Variants in ENPP1 observed in about 807,000 individuals in gnomAD.
ENPP1 encodes the protein ectonucleotide pyrophosphatase/phosphodiesterase 1.
In ENPP1, 73 loss-of-function variants were observed where a neutral mutation model predicts 122.8. That is an observed-to-expected ratio of 0.59 (90% CI 0.49 to 0.72). The LOEUF (loss-of-function observed/expected upper bound fraction) is 0.72. Among genes scored for constraint, ENPP1 ranks in the 30% least tolerant of loss-of-function variants. ENPP1 has a pLI of 0.00. For missense variants in ENPP1, 978 were observed against 1,128.1 expected (o/e 0.87, Z 1.91); for synonymous variants, 367 against 391.6 (o/e 0.94, Z 0.74).
At chr6:131,842,343 GTA>G (rs371696633) in intron 1 of ENPP1, among the ~76,000 whole-genome samples, 15 of 152,266 alleles carry the variant, frequency 9.9e-5, no homozygotes, top group African/African-American at 3.6e-4. Context: ...GCACCATGGC[GTA>G]TATATGGTCA....
At chr6:131,847,272 A>C (rs1225180004) in intron 1 of ENPP1, among the ~76,000 whole-genome samples, 1 of 152,214 alleles carries the variant, frequency 6.6e-6, no homozygotes, top group Non-Finnish European at 1.5e-5. Flanking sequence ...TCTTTCCCTT[A>C]ATAATTATAA....
At chr6:131,841,387 A>C (rs1215911336) in intron 1 of ENPP1, among the ~76,000 whole-genome samples, 1 of 152,228 alleles carries the variant, frequency 6.6e-6, no homozygotes, top group Non-Finnish European at 1.5e-5. Context: ...TAGGCAATGT[A>C]GTCAGCTGAT....
rs747843796 is a variant in ENPP1 at position 131,872,101 on chromosome 6, TGTGA to T, written c.1437+3_1437+6del. 4.4e-6 allele frequency: 7 copies of T among 1,581,968 alleles called. No homozygotes were observed. Among genetic ancestry groups the T allele is most frequent in the East Asian group, 4.5e-5 (2 of 44,634 alleles). On this transcript the variant is annotated splice_donor_variant and splice_donor_region_variant and intron_variant, in intron 14 of 24. Transcript: ENST00000647893. LOFTEE classifies it high-confidence loss of function. ...ATGAAGGCATTGCCCGAAATCTTTCTGTGAGTATCTTTATTTTCCATTATCTAGT... is the reference window on the plus strand; with the variant it reads ...ATGAAGGCATTGCCCGAAATCTTTCTGTATCTTTATTTTCCATTATCTAGT...
intron 9 of ENPP1, among the ~76,000 whole-genome samples, chr6:131,863,767 A>G (rs1782053080): frequency 6.7e-6 from 1 of 149,856 alleles, no homozygotes; most frequent in Non-Finnish European, 1.5e-5. Context: ...AAAAAAAAAA[A>G]TTGCCAGGCG....
At chr6:131,847,719 T>TA (rs1781827468) in intron 1 of ENPP1, 57 bp from the exon 2 acceptor site, 6 of 1,238,410 alleles carry the variant, frequency 4.8e-6, no homozygotes, top group Admixed American at 1.8e-5. Flanking sequence ...AAATAAAAAA[T>TA]AAGATAAAAT....
intron 1 of ENPP1, among the ~76,000 whole-genome samples, chr6:131,821,414 G>C (rs1781483456): frequency 6.6e-6 from 1 of 152,190 alleles, no homozygotes; most frequent in South Asian, 2.1e-4. Flanking sequence ...GGTTGCATTA[G>C]GTTGAATTGG....
At chr6:131,836,839 T>C (rs1781680709) in intron 1 of ENPP1, among the ~76,000 whole-genome samples, 1 of 152,226 alleles carries the variant, frequency 6.6e-6, no homozygotes. Flanking sequence ...GAAAGTGCGG[T>C]ACTGGCATCC....
chr6:131,877,869 ATATATATATATAT>A (rs1782254961), intron 18 of ENPP1: 8 of 52,858 alleles, frequency 1.5e-4, no homozygotes, highest in Admixed American at 2.3e-4. Flanking sequence ...AAAAAAAAAT[ATATATATATATAT>A]ATATATATAT....
chr6:131,886,884 A>G (rs1399742833), intron 24 of ENPP1, among the ~76,000 whole-genome samples, 160 bp downstream of exon 24: 1 of 151,024 alleles, frequency 6.6e-6, no homozygotes, highest in Non-Finnish European at 1.5e-5. Flanking sequence ...TTAAGATGAC[A>G]TATCTTTGGG....
At chr6:131,825,907 A>C (rs1781541543) in intron 1 of ENPP1, 1 of 332,070 alleles carries the variant, frequency 3.0e-6, no homozygotes, top group East Asian at 5.1e-5. Context: ...TTAACTTAGA[A>C]AATTTTACTT....
intron 1 of ENPP1, among the ~76,000 whole-genome samples, chr6:131,814,343 C>T (rs925047294): frequency 2.6e-5 from 4 of 151,958 alleles, no homozygotes; most frequent in Non-Finnish European, 5.9e-5. Context: ...GTACCAAGCA[C>T]TGATTTTAGA....
At chr6:131,816,760 A>G (rs930332893) in intron 1 of ENPP1, among the ~76,000 whole-genome samples, 9 of 152,142 alleles carry the variant, frequency 5.9e-5, no homozygotes, top group African/African-American at 2.2e-4. Flanking sequence ...AGAAGTTTAG[A>G]TGGTTATAAT....
chr6:131,869,671 C>T (rs1344593524), intron 13 of ENPP1, among the ~76,000 whole-genome samples, 182 bp downstream of exon 13: 1 of 151,598 alleles, frequency 6.6e-6, no homozygotes, highest in Non-Finnish European at 1.5e-5. Flanking sequence ...AATACATATA[C>T]GATACTATAC....
chr6:131,890,050 T>C lies in ENPP1; in HGVS notation c.2608-291T>C, dbSNP rs6929388. On this transcript the variant is annotated intron_variant, in intron 24 of 24. Coordinates refer to ENST00000647893, the MANE Select transcript of ENPP1 (RefSeq NM_006208.3). ...TGCCATGTAATTTCTGTTTTCCCCC[T>C]TTTTTTAACCCCACGCCATTGAAGT... Among the ~76,000 whole-genome samples the C allele has an allele frequency of 0.044, 6,692 of 152,178 alleles. 207 individuals carry two copies. Among genetic ancestry groups the C allele is most frequent in the African/African-American group, 0.087 (3,619 of 41,506 alleles).
intron 1 of ENPP1, chr6:131,828,189 A>T: frequency 1.7e-6 from 1 of 576,578 alleles, no homozygotes; most frequent in Admixed American, 1.9e-5. Context: ...GGATGTGTTT[A>T]TGCTGGCTTT....
At position 131,887,844 on chromosome 6, in the gene ENPP1, C is replaced by T. The variant is rs71572994; in HGVS notation, c.2607+1120C>T. 9.0e-4 allele frequency among the ~76,000 whole-genome samples: 128 copies of T among 142,328 alleles called. 1 individual carries two copies. The highest frequency in any genetic ancestry group is 3.9e-3 in the Middle Eastern group (1 of 256). 93.4% of individuals were successfully genotyped at this position (142,328 alleles called of 152,430 possible). On this transcript the variant is annotated intron_variant, in intron 24 of 24. Coordinates refer to ENST00000647893, the MANE Select transcript of ENPP1 (RefSeq NM_006208.3). ...CCTTCCAAAATGCTGGGATTACAGG[C>T]GTGAGCCACCGTGCCTGGCCTTTTT...
chr6:131,882,587 A>T, intron 21 of ENPP1, 113 bp downstream of exon 21: 1 of 222,442 alleles, frequency 4.5e-6, no homozygotes, highest in Non-Finnish European at 8.0e-6. Flanking sequence ...ATATATATAT[A>T]AATATTACCT....
At chr6:131,889,677 A>T (rs1782437903) in intron 24 of ENPP1, among the ~76,000 whole-genome samples, 1 of 152,106 alleles carries the variant, frequency 6.6e-6, no homozygotes, top group South Asian at 2.1e-4. Context: ...CATTTTCTTG[A>T]TCCAGTCTAT....
chr6:131,869,166 C>T (rs532144898), intron 12 of ENPP1, among the ~76,000 whole-genome samples, 192 bp from the exon 13 acceptor site: 4 of 152,022 alleles, frequency 2.6e-5, no homozygotes, highest in Non-Finnish European at 5.9e-5. Context: ...ATTTGGGTGA[C>T]GGAAAAGATT....
Sources: gnomAD v4.1 joint callset for allele counts (sites outside exome capture counted in the v4.1 genomes callset) on GRCh38, gnomAD v4.1.1 for gene constraint, MANE v1.5 for transcripts, NCBI Gene and HGNC (gene_info 2026-07-23, HGNC 2026-07-21) for gene names.